Variants in CNOT4 observed in about 807,000 individuals in gnomAD.
The protein encoded by CNOT4 is CCR4-NOT transcription complex subunit 4.
CNOT4 carries 8 observed loss-of-function variants against 73.8 expected under a neutral mutation model. That is an observed-to-expected ratio of 0.11 (90% CI 0.06 to 0.20). CNOT4 has a LOEUF of 0.20. Among genes scored for constraint, CNOT4 ranks in the 10% least tolerant of loss-of-function variants. CNOT4 has a pLI of 1.00. For synonymous variants in CNOT4, 293 were observed against 321.1 expected (o/e 0.91, Z 0.94); for missense variants, 564 against 883.4 (o/e 0.64, Z 4.58).
At chr7:135,482,538 C>T (rs949595465) in intron 1 of CNOT4, among the ~76,000 whole-genome samples, 4 of 151,192 alleles carry the variant, frequency 2.6e-5, no homozygotes, top group African/African-American at 4.9e-5. Context: ...GCTGACAGAG[C>T]GAGACCCTGT....
At chr7:135,453,818 T>G (rs914527191) in intron 1 of CNOT4, among the ~76,000 whole-genome samples, 6 of 89,780 alleles carry the variant, frequency 6.7e-5, no homozygotes, top group African/African-American at 2.3e-4. Context: ...ATAATAAATA[T>G]ATATATTTTA....
chr7:135,450,236 A>G (rs986371551), intron 1 of CNOT4, among the ~76,000 whole-genome samples: 6 of 152,166 alleles, frequency 3.9e-5, no homozygotes. Flanking sequence ...GCAATTTACC[A>G]CTAAAAGACC....
intron 7 of CNOT4, among the ~76,000 whole-genome samples, chr7:135,402,534 C>T (rs900382678): frequency 6.6e-6 from 1 of 152,040 alleles, no homozygotes; most frequent in Non-Finnish European, 1.5e-5. Context: ...AGTATATATC[C>T]AGACTCCATC....
At chr7:135,468,318 G>C (rs1207968848) in intron 1 of CNOT4, among the ~76,000 whole-genome samples, 1 of 152,094 alleles carries the variant, frequency 6.6e-6, no homozygotes, top group Admixed American at 6.6e-5. Context: ...TTAATTTGTA[G>C]ATTCCAGAAG....
chr7:135,447,278 GAA>G (rs1799891917), intron 1 of CNOT4, among the ~76,000 whole-genome samples: 1 of 152,164 alleles, frequency 6.6e-6, no homozygotes, highest in African/African-American at 2.4e-5. Context: ...TGTGCTAAGT[GAA>G]AAAGTTTAAA....
At chr7:135,395,996 G>A (rs926775279) in intron 8 of CNOT4, 113 bp from the exon 9 acceptor site, 30 of 656,446 alleles carry the variant, frequency 4.6e-5, no homozygotes, top group South Asian at 2.0e-5. Flanking sequence ...ACTGGTACTT[G>A]AAGATGTTTT....
intron 2 of CNOT4, among the ~76,000 whole-genome samples, chr7:135,432,439 T>C (rs1394874202): frequency 2.0e-5 from 3 of 152,234 alleles, no homozygotes; most frequent in South Asian, 2.1e-4. Flanking sequence ...TCATTACTAA[T>C]TCAACCATCA....
At chr7:135,492,497 A>C (rs1040372079) in intron 1 of CNOT4, among the ~76,000 whole-genome samples, 2 of 152,210 alleles carry the variant, frequency 1.3e-5, no homozygotes, top group African/African-American at 2.4e-5. Context: ...AAGGCAATAG[A>C]ATCAGTGGAC....
chr7:135,503,614 C>T (rs988978096), intron 1 of CNOT4, among the ~76,000 whole-genome samples: 3 of 152,070 alleles, frequency 2.0e-5, no homozygotes, highest in African/African-American at 7.2e-5. Context: ...GTACTAATAA[C>T]GTCTTTATAT....
chr7:135,388,020 C>T (rs1290378409), intron 10 of CNOT4: 1 of 985,162 alleles, frequency 1.0e-6, no homozygotes, highest in Non-Finnish European at 1.2e-6. Context: ...TTGCTTTTCA[C>T]ATACAATGTT....
intron 7 of CNOT4, among the ~76,000 whole-genome samples, chr7:135,409,918 A>G (rs1797501469): frequency 1.3e-5 from 2 of 152,158 alleles, no homozygotes; most frequent in South Asian, 4.1e-4. Context: ...GAGACTCTCT[A>G]CTGAAGACCA....
At chr7:135,492,143 G>A (rs1258231052) in intron 1 of CNOT4, among the ~76,000 whole-genome samples, 2 of 152,080 alleles carry the variant, frequency 1.3e-5, no homozygotes, top group Admixed American at 6.5e-5. Flanking sequence ...AGAAAAGCAA[G>A]GGTACAAACT....
intron 10 of CNOT4, among the ~76,000 whole-genome samples, chr7:135,366,951 C>T (rs1794948420): frequency 6.6e-6 from 1 of 152,154 alleles, no homozygotes; most frequent in East Asian, 1.9e-4. Flanking sequence ...GCGAGGGCTT[C>T]TGGCAATTCC....
intron 2 of CNOT4, among the ~76,000 whole-genome samples, chr7:135,428,276 T>C (rs1798618650): frequency 6.6e-6 from 1 of 152,042 alleles, no homozygotes. Flanking sequence ...TCCACACTAG[T>C]CCTTGGGGAA....
chr7:135,505,634 T>C (rs1326964612), intron 1 of CNOT4, among the ~76,000 whole-genome samples: 1 of 152,200 alleles, frequency 6.6e-6, no homozygotes, highest in Non-Finnish European at 1.5e-5. Flanking sequence ...AACTGTGTTA[T>C]ACCATCCTTA....
intron 1 of CNOT4, among the ~76,000 whole-genome samples, chr7:135,448,262 G>C (rs1799947325): frequency 6.6e-6 from 1 of 152,090 alleles, no homozygotes; most frequent in South Asian, 2.1e-4. Context: ...AAATAGGAAA[G>C]TGCTGAGTGT....
intron 10 of CNOT4, among the ~76,000 whole-genome samples, chr7:135,393,491 G>A (rs1359660895): frequency 1.3e-5 from 2 of 152,132 alleles, no homozygotes; most frequent in Non-Finnish European, 2.9e-5. Context: ...AAAGTAGGTA[G>A]AGAGTGGCTT....
intron 1 of CNOT4, among the ~76,000 whole-genome samples, chr7:135,464,009 CTAT>C (rs1180772628): frequency 5.9e-5 from 5 of 85,114 alleles, no homozygotes; most frequent in Non-Finnish European, 1.1e-4. Flanking sequence ...ATCAGGATGG[CTAT>C]TATTAAAAAG....
At chr7:135,389,037 G>T in intron 10 of CNOT4, 4 of 660,418 alleles carry the variant, frequency 6.1e-6, no homozygotes, top group East Asian at 3.3e-5. Context: ...AACAAGACAT[G>T]AATTTTAAAA....
Sources: allele counts gnomAD v4.1 joint callset (sites outside exome capture counted in the v4.1 genomes callset), GRCh38; gene constraint gnomAD v4.1.1; transcripts MANE v1.5; gene names NCBI Gene and HGNC (gene_info 2026-07-23, HGNC 2026-07-21).